The following CTNND2 variants were observed in gnomAD, a reference collection of about 807,000 sequenced individuals.
The protein encoded by CTNND2 is catenin delta-2.
In CTNND2, 22 loss-of-function variants were observed where a neutral mutation model predicts 144.4. The ratio of observed to expected loss-of-function variants is 0.15; its 90% CI spans 0.11 to 0.22. The LOEUF (loss-of-function observed/expected upper bound fraction) is 0.22. Among genes scored for constraint, CTNND2 ranks in the 10% least tolerant of loss-of-function variants. The probability of loss-of-function intolerance (pLI) is 1.00; values close to 1 mark genes in which losing one functional copy is unlikely to be tolerated. For synonymous variants in CTNND2, 751 were observed against 695.6 expected (o/e 1.08, Z -1.25); for missense variants, 1,353 against 1,618.8 (o/e 0.84, Z 2.82).
At chr5:11,626,265 C>G (rs1442323581) in intron 2 of CTNND2, among the ~76,000 whole-genome samples, 1 of 152,120 alleles carries the variant, frequency 6.6e-6, no homozygotes, top group Non-Finnish European at 1.5e-5. Context: ...GTTTTGCCTT[C>G]GACTCCATTT....
intron 1 of CTNND2, among the ~76,000 whole-genome samples, chr5:11,843,829 GGTTT>G (rs1794608513): frequency 1.3e-5 from 2 of 151,806 alleles, no homozygotes; most frequent in Admixed American, 6.6e-5. Flanking sequence ...TTCCAGGGGT[GGTTT>G]GTTTGATTTT....
chr5:11,877,641 C>A (rs1484633278), intron 1 of CTNND2, among the ~76,000 whole-genome samples: 1 of 151,978 alleles, frequency 6.6e-6, no homozygotes, highest in Admixed American at 6.6e-5. Context: ...CATATTACTG[C>A]CTAATTCACA....
chr5:11,812,933 G>C (rs1212221907), intron 1 of CTNND2, among the ~76,000 whole-genome samples: 2 of 152,070 alleles, frequency 1.3e-5, no homozygotes, highest in Non-Finnish European at 2.9e-5. Context: ...CCTGCTTTGT[G>C]TATGCAAAAG....
chr5:11,903,973 G>A lies in CTNND2; in HGVS notation c.-120C>T. On this transcript the variant is annotated 5_prime_UTR_variant, in exon 1 of 22. Transcript: ENST00000304623. This position sits in a 1 kb window ranked among gnomAD's most constrained non-coding sequence, Gnocchi z 5.4. ...CATCTTCCGCTTTTGTTGTCTGAGC[G>A]CGGCCGCGGGACAAGGGATGCTGGC... is the stretch of plus-strand genomic sequence containing the variant. 5 of 1,184,438 alleles carry A rather than the reference G, an allele frequency of 4.2e-6. No individual in the cohort carries two copies. Among genetic ancestry groups the A allele is most frequent in the Non-Finnish European group, 5.4e-6 (5 of 931,376 alleles). 73.4% of individuals were successfully genotyped at this position (1,184,438 alleles called of 1,614,324 possible). A position where few individuals can be genotyped will look rare whatever the true frequency, so the allele number is the denominator to read the frequency against.
rs139660572 is a variant in CTNND2 at position 11,484,493 on chromosome 5, G to A, written c.288-72424C>T. On this transcript the variant is annotated intron_variant, in intron 3 of 21. Coordinates refer to ENST00000304623, the MANE Select transcript of CTNND2 (RefSeq NM_001332.4). ...ATCCCTTTAGAGACAGCACATTTCT[G>A]TACTAAGAAAAACACATTTACTAAG... is the stretch of plus-strand genomic sequence containing the variant. Among the ~76,000 whole-genome samples the A allele has an allele frequency of 6.8e-3, 1,028 of 152,204 alleles. 3 individuals carry two copies. Among genetic ancestry groups the A allele is most frequent in the Non-Finnish European group, 0.012 (839 of 68,008 alleles).
At position 11,346,361 on chromosome 5, in the gene CTNND2, T is replaced by C. The variant is rs377746308; in HGVS notation, c.1628+11A>G. Reference sequence around the variant, plus strand: ...TAGACATCATAGGGAAAGAAAAAGGTTTTTACCCACCTGGGATCTTTCTGA... The same window carrying C: ...TAGACATCATAGGGAAAGAAAAAGGCTTTTACCCACCTGGGATCTTTCTGA... On this transcript the variant is annotated intron_variant, in intron 9 of 21. Coordinates refer to ENST00000304623, the MANE Select transcript of CTNND2 (RefSeq NM_001332.4). 1 of 1,416,888 alleles carries C rather than the reference T, an allele frequency of 7.1e-7. No homozygotes were observed. 87.8% of individuals were successfully genotyped at this position (1,416,888 alleles called of 1,614,324 possible). A position where few individuals can be genotyped will look rare whatever the true frequency, so the allele number is the denominator to read the frequency against.
intron 1 of CTNND2, among the ~76,000 whole-genome samples, chr5:11,798,578 T>A (rs144235947): frequency 6.6e-6 from 1 of 152,304 alleles, no homozygotes; most frequent in East Asian, 1.9e-4. Context: ...ACCATCCTGA[T>A]CAACATGGTG....
At chr5:11,658,122 T>C (rs376124731) in intron 2 of CTNND2, among the ~76,000 whole-genome samples, 1 of 152,292 alleles carries the variant, frequency 6.6e-6, no homozygotes, top group African/African-American at 2.4e-5. Context: ...TGAAAACCTA[T>C]ATTCAAATTA....
At chr5:11,448,714 G>A (rs958898603) in intron 3 of CTNND2, among the ~76,000 whole-genome samples, 2 of 152,096 alleles carry the variant, frequency 1.3e-5, no homozygotes, top group Non-Finnish European at 2.9e-5. Flanking sequence ...TGTTGCCCAG[G>A]GTGGAGTGCA....
At chr5:11,493,151 C>A (rs1305801915) in intron 3 of CTNND2, among the ~76,000 whole-genome samples, 2 of 152,108 alleles carry the variant, frequency 1.3e-5, no homozygotes, top group Non-Finnish European at 2.9e-5. Flanking sequence ...ATTATTCTTA[C>A]AGTTACTGGG....
chr5:11,229,612 A>T (rs1361669473), intron 10 of CTNND2, among the ~76,000 whole-genome samples: 1 of 151,772 alleles, frequency 6.6e-6, no homozygotes, highest in South Asian at 2.1e-4. Context: ...TTAAACCACT[A>T]AGATACATAT....
chr5:11,265,988 G>A (rs1350136266), intron 9 of CTNND2, among the ~76,000 whole-genome samples: 1 of 152,082 alleles, frequency 6.6e-6, no homozygotes, highest in Non-Finnish European at 1.5e-5. Flanking sequence ...GGGATTAGAG[G>A]TGTGAGCCAC....
intron 3 of CTNND2, among the ~76,000 whole-genome samples, chr5:11,449,074 T>C (rs1385982192): frequency 1.3e-5 from 2 of 151,956 alleles, no homozygotes; most frequent in Non-Finnish European, 1.5e-5. Context: ...TGAATAAACA[T>C]AAAAGAAACA....
chr5:11,804,823 C>T (rs1262736113), intron 1 of CTNND2, among the ~76,000 whole-genome samples: 1 of 152,070 alleles, frequency 6.6e-6, no homozygotes, highest in Non-Finnish European at 1.5e-5. Context: ...AAGAATGAAG[C>T]TTAATGTATG....
intron 1 of CTNND2, among the ~76,000 whole-genome samples, chr5:11,753,713 C>T (rs1179911890): frequency 6.6e-6 from 1 of 151,662 alleles, no homozygotes; most frequent in Admixed American, 6.6e-5. Context: ...AGTCTGTCCT[C>T]CTCAATTTTT....
chr5:11,609,262 A>G (rs950698853), intron 2 of CTNND2, among the ~76,000 whole-genome samples: 3 of 152,186 alleles, frequency 2.0e-5, no homozygotes, highest in Admixed American at 1.3e-4. Context: ...CATGTCTCCC[A>G]GTAAGTCATG....
intron 12 of CTNND2, among the ~76,000 whole-genome samples, chr5:11,120,371 T>C (rs10065064): frequency 1.0e-3 from 158 of 151,614 alleles, no homozygotes; most frequent in African/African-American, 3.7e-3. Flanking sequence ...GGGGTTATTA[T>C]ACTGTCTGCA....
chr5:11,300,946 T>C (rs1749537881), intron 9 of CTNND2, among the ~76,000 whole-genome samples: 1 of 152,088 alleles, frequency 6.6e-6, no homozygotes, highest in Admixed American at 6.6e-5. Context: ...AAGATACTGA[T>C]GGGGAAGAAA....
At chr5:11,610,012 G>A (rs1192867968) in intron 2 of CTNND2, among the ~76,000 whole-genome samples, 1 of 152,206 alleles carries the variant, frequency 6.6e-6, no homozygotes, top group African/African-American at 2.4e-5. Flanking sequence ...TTCGGTTTGA[G>A]TCCTAGTATT....
Sources: gnomAD v4.1 joint callset for allele counts (sites outside exome capture counted in the v4.1 genomes callset) on GRCh38, gnomAD v4.1.1 for gene constraint, Gnocchi (gnomAD v3.1) non-coding constraint, MANE v1.5 for transcripts, NCBI Gene and HGNC (gene_info 2026-07-23, HGNC 2026-07-21) for gene names.